SLC38A8: variants seen among roughly 807,000 people sequenced by gnomAD.
SLC38A8 encodes solute carrier family 38 member 8, also known as amino acid transporter SLC38A8.
In SLC38A8, 65 loss-of-function variants were observed where a neutral mutation model predicts 46.0. That is an observed-to-expected ratio of 1.41 (90% CI 1.16 to 1.74). The LOEUF (loss-of-function observed/expected upper bound fraction) is 1.74. Among genes scored for constraint, SLC38A8 ranks in the 40% most tolerant of loss-of-function variants. SLC38A8 has a pLI of 0.00. For missense variants in SLC38A8, 998 were observed against 567.9 expected (o/e 1.76, Z -7.70); for synonymous variants, 447 against 243.7 (o/e 1.83, Z -7.77).
chr16:84,022,323 G>C (rs758165476), intron 7 of SLC38A8, among the ~76,000 whole-genome samples: 3 of 152,184 alleles, frequency 2.0e-5, no homozygotes, highest in Non-Finnish European at 4.4e-5. Context: ...CCCTCTCTGA[G>C]CCACACTTTC....
intron 9 of SLC38A8, 96 bp from the exon 10 acceptor site, chr16:84,013,148 C>A (rs2084974273): frequency 7.0e-7 from 1 of 1,425,302 alleles, no homozygotes; most frequent in South Asian, 1.2e-5. Flanking sequence ...AGGAGGCCAG[C>A]AAGGCCTCCG....
At chr16:84,038,071 G>T (rs537238864) in intron 2 of SLC38A8, among the ~76,000 whole-genome samples, 1 of 152,200 alleles carries the variant, frequency 6.6e-6, no homozygotes, top group African/African-American at 2.4e-5. Flanking sequence ...AGCACTTCGG[G>T]AGGCCAAGGC....
At chr16:84,036,652 A>C in intron 3 of SLC38A8, 50 bp downstream of exon 3, 1 of 1,604,132 alleles carries the variant, frequency 6.2e-7, no homozygotes, top group Non-Finnish European at 8.5e-7. Context: ...CCAAGAGGTC[A>C]TTAGAGGTCC....
At chr16:84,040,347 G>A (rs778635959) in intron 2 of SLC38A8, among the ~76,000 whole-genome samples, 12 of 152,212 alleles carry the variant, frequency 7.9e-5, no homozygotes, top group Non-Finnish European at 1.3e-4. Flanking sequence ...CAAGTCTGCT[G>A]AGTGAAGGGA....
intron 7 of SLC38A8, among the ~76,000 whole-genome samples, chr16:84,019,176 G>A (rs1328837084): frequency 1.3e-5 from 2 of 152,046 alleles, no homozygotes; most frequent in Admixed American, 6.6e-5. Flanking sequence ...CCAGGTTCAA[G>A]CGATTATCTT....
chr16:84,032,512 C>T (rs936559561), intron 4 of SLC38A8, among the ~76,000 whole-genome samples: 4 of 152,310 alleles, frequency 2.6e-5, no homozygotes, highest in Admixed American at 6.5e-5. Flanking sequence ...GCACCCGGCG[C>T]CCTTCGGGAT....
intron 5 of SLC38A8, among the ~76,000 whole-genome samples, chr16:84,030,644 G>T (rs1357204321): frequency 6.6e-6 from 1 of 152,092 alleles, no homozygotes; most frequent in African/African-American, 2.4e-5. Flanking sequence ...CCTTCCCACT[G>T]TTCAAGCTGA....
chr16:84,033,546 C>G (rs2085270481), intron 3 of SLC38A8, 77 bp from the exon 4 acceptor site: 4 of 1,484,132 alleles, frequency 2.7e-6, no homozygotes, highest in Middle Eastern at 2.5e-4. Flanking sequence ...GCCCTTCAAC[C>G]CTGGCTGGGG....
chr16:84,009,815 C>G lies in SLC38A8; in HGVS notation c.1277G>C (p.Ser426Thr), dbSNP rs747810801. 2.0e-5 allele frequency: 33 copies of G among 1,613,944 alleles called. No homozygotes were observed. In the Middle Eastern group the frequency reaches 4.9e-4, roughly 24 times the overall value. The change falls in exon 11 of 11, where the codon AGC becomes ACC. Residue 426 changes from serine to threonine, a missense_variant. Transcript: ENST00000299709. Reference protein sequence around the residue: ...VLVGTFIFGQSTAAAVWEMF With the variant: ...VLVGTFIFGQTTAAAVWEMF ...CATCTCCCAGACCGCTGCCGCCGTG[C>G]TCTGCCCAAAGATGAAGGTGCCGAC...
intron 4 of SLC38A8, 27 bp downstream of exon 4, chr16:84,033,301 C>G: frequency 6.2e-7 from 1 of 1,613,842 alleles, no homozygotes; most frequent in Non-Finnish European, 8.5e-7. Flanking sequence ...GGTGGGGGCC[C>G]CCACCAGGCA....
At chr16:84,012,124 C>T (rs1015406298) in intron 10 of SLC38A8, among the ~76,000 whole-genome samples, 1 of 152,180 alleles carries the variant, frequency 6.6e-6, no homozygotes, top group African/African-American at 2.4e-5. Context: ...CCACCATGCC[C>T]CAATTTATGG....
At chr16:84,019,806 C>T (rs2085074466) in intron 7 of SLC38A8, among the ~76,000 whole-genome samples, 1 of 152,194 alleles carries the variant, frequency 6.6e-6, no homozygotes. Flanking sequence ...GAGACTAAGG[C>T]CAAAGGAAAG....
chr16:84,012,089 T>C lies in SLC38A8; in HGVS notation c.1214+912A>G, dbSNP rs1440176707. ...CCTGGCTCCAGAACTGGGGAAAAAA[T>C]TCATTTCTGTTGCTTTAAGCCTCCC... On this transcript the variant is annotated intron_variant, in intron 10 of 10. Coordinates refer to ENST00000299709, the MANE Select transcript of SLC38A8 (RefSeq NM_001080442.3). Among the ~76,000 whole-genome samples the C allele has an allele frequency of 2.6e-5, 4 of 152,088 alleles. No individual in the cohort carries two copies. In the East Asian group the frequency reaches 5.8e-4, roughly 22 times the overall value.
intron 6 of SLC38A8, among the ~76,000 whole-genome samples, chr16:84,023,945 G>A (rs925213409): frequency 2.0e-5 from 3 of 152,198 alleles, no homozygotes; most frequent in Non-Finnish European, 4.4e-5. Flanking sequence ...TGGATGCGAA[G>A]TCCAAGTTAC....
chr16:84,015,558 A>G (rs1022927417), intron 9 of SLC38A8, among the ~76,000 whole-genome samples: 1 of 105,842 alleles, frequency 9.4e-6, no homozygotes, highest in African/African-American at 3.8e-5. Context: ...GCCCTGCTGC[A>G]TACTAGCTGT....
At chr16:84,012,938 T>C (rs1346330193) in intron 10 of SLC38A8, 63 bp downstream of exon 10, 5 of 1,568,628 alleles carry the variant, frequency 3.2e-6, no homozygotes, top group East Asian at 2.2e-5. Flanking sequence ...CAGGGTCCCC[T>C]GAAACATTCT....
intron 7 of SLC38A8, among the ~76,000 whole-genome samples, chr16:84,020,141 GT>G (rs55834950): frequency 0.4 from 54,840 of 135,874 alleles, 10,054 homozygotes; most frequent in Non-Finnish European, 0.44. Context: ...AACATCCGTT[GT>G]TTTTTTTTTT....
intron 9 of SLC38A8, among the ~76,000 whole-genome samples, chr16:84,013,815 C>CA (rs1246811525): frequency 1.3e-5 from 2 of 151,590 alleles, no homozygotes; most frequent in Non-Finnish European, 2.9e-5. Context: ...TCTCTCAACT[C>CA]AAACCTGTCC....
Position 84,033,253 on chromosome 16 carries a change from C to T in SLC38A8, c.530+75G>A, listed in dbSNP as rs75604026. The T allele has an allele frequency of 5.8e-3, 9,263 of 1,600,942 alleles. 459 individuals are homozygous for T. The African/African-American group carries it at 0.11, about 19-fold the overall frequency. ...AGGCCAATTCCCCAGCTCCTCTGAC[C>T]CCAGATGGACAGAAACCCTGACACA... is the stretch of plus-strand genomic sequence containing the variant. On this transcript the variant is annotated intron_variant, in intron 4 of 10. Coordinates refer to ENST00000299709, the MANE Select transcript of SLC38A8 (RefSeq NM_001080442.3).
Sources: gnomAD v4.1 joint callset for allele counts (sites outside exome capture counted in the v4.1 genomes callset) on GRCh38, gnomAD v4.1.1 for gene constraint, MANE v1.5 for transcripts, NCBI Gene and HGNC (gene_info 2026-07-23, HGNC 2026-07-21) for gene names.